Variants in OSBPL1A observed in about 807,000 individuals in gnomAD.
OSBPL1A encodes the protein oxysterol binding protein like 1A.
OSBPL1A carries 80 observed loss-of-function variants against 137.1 expected under a neutral mutation model. The observed-to-expected ratio is 0.58, with a 90% confidence interval of 0.49 to 0.70. The LOEUF is 0.70. Among genes scored for constraint, OSBPL1A ranks in the 30% least tolerant of loss-of-function variants. The probability of loss-of-function intolerance (pLI) is 0.00; values close to 1 mark genes in which losing one functional copy is unlikely to be tolerated. For missense variants in OSBPL1A, 970 were observed against 1,129.4 expected (o/e 0.86, Z 2.02); for synonymous variants, 365 against 389.7 (o/e 0.94, Z 0.75).
At chr18:24,316,902 T>C (rs996416114) in intron 11 of OSBPL1A, among the ~76,000 whole-genome samples, 6 of 152,234 alleles carry the variant, frequency 3.9e-5, no homozygotes, top group Non-Finnish European at 8.8e-5. Context: ...ACAAATATTT[T>C]TGGACAATCC....
chr18:24,201,761 A>T (rs1230768903), intron 17 of OSBPL1A, among the ~76,000 whole-genome samples: 1 of 143,286 alleles, frequency 7.0e-6, no homozygotes, highest in African/African-American at 2.5e-5. Flanking sequence ...AGAGTCCATT[A>T]AAAAAAAAAA....
At chr18:24,192,819 A>G (rs2086924300) in intron 18 of OSBPL1A, among the ~76,000 whole-genome samples, 1 of 151,850 alleles carries the variant, frequency 6.6e-6, no homozygotes, top group Non-Finnish European at 1.5e-5. Context: ...AAAGCCACAT[A>G]TTTTGAATAA....
chr18:24,300,607 G>A (rs965631172), intron 14 of OSBPL1A, among the ~76,000 whole-genome samples: 1 of 152,076 alleles, frequency 6.6e-6, no homozygotes, highest in South Asian at 2.1e-4. Flanking sequence ...GGATTTGAGG[G>A]GATATAGAAC....
At chr18:24,164,498 A>G (rs1267292819) in intron 27 of OSBPL1A, among the ~76,000 whole-genome samples, 2 of 125,938 alleles carry the variant, frequency 1.6e-5, no homozygotes, top group East Asian at 2.4e-4. Context: ...GCGCAATCTC[A>G]GCTCACTGCA....
chr18:24,271,202 G>T lies in OSBPL1A; in HGVS notation c.1281+9640C>A, dbSNP rs2089709230. Among the ~76,000 whole-genome samples the T allele has an allele frequency of 6.6e-6, 1 of 152,196 alleles. No homozygotes were observed. Among genetic ancestry groups the T allele is most frequent in the Non-Finnish European group, 1.5e-5 (1 of 68,046 alleles). ...TTCAGCGGCCTCTGAAGAGCGGATG[G>T]TAAGTTCATCTCAATGTCAGCCGGA... is the stretch of plus-strand genomic sequence containing the variant. On this transcript the variant is annotated intron_variant, in intron 15 of 27. Transcript: ENST00000319481. This position sits in a 1 kb window ranked among gnomAD's most constrained non-coding sequence, Gnocchi z 4.0.
chr18:24,326,173 A>T (rs943629221), intron 7 of OSBPL1A, among the ~76,000 whole-genome samples: 24 of 152,246 alleles, frequency 1.6e-4, no homozygotes, highest in African/African-American at 5.3e-4. Context: ...TTATATCCAC[A>T]TGAAGTACTT....
intron 15 of OSBPL1A, among the ~76,000 whole-genome samples, chr18:24,246,120 G>A (rs2088875791): frequency 6.6e-6 from 1 of 152,086 alleles, no homozygotes; most frequent in African/African-American, 2.4e-5. Flanking sequence ...ACTGAGGCAG[G>A]AGAATTGCTT....
chr18:24,394,147 T>C (rs983008860), intron 1 of OSBPL1A, among the ~76,000 whole-genome samples: 2 of 152,204 alleles, frequency 1.3e-5, no homozygotes, highest in East Asian at 1.9e-4. Flanking sequence ...TTATAAAGCA[T>C]TGAAATCATA....
chr18:24,265,423 T>C (rs1321461282), intron 15 of OSBPL1A, among the ~76,000 whole-genome samples: 1 of 152,152 alleles, frequency 6.6e-6, no homozygotes, highest in Non-Finnish European at 1.5e-5. Flanking sequence ...GCGGTTTCAG[T>C]GAGCAGAGAT....
chr18:24,227,300 T>C (rs1414864100), intron 16 of OSBPL1A, among the ~76,000 whole-genome samples: 1 of 152,032 alleles, frequency 6.6e-6, no homozygotes, highest in East Asian at 1.9e-4. Flanking sequence ...ACAACCTAAA[T>C]AGTCAATAAG....
intron 17 of OSBPL1A, among the ~76,000 whole-genome samples, chr18:24,199,190 C>T (rs768308891): frequency 3.9e-5 from 6 of 151,964 alleles, no homozygotes; most frequent in East Asian, 1.9e-4. Context: ...ATTGGAAGAC[C>T]GCCACGCAGG....
chr18:24,259,821 C>T (rs543471157), intron 15 of OSBPL1A, among the ~76,000 whole-genome samples: 4 of 151,614 alleles, frequency 2.6e-5, no homozygotes, highest in Admixed American at 6.6e-5. Context: ...AAAAATACAC[C>T]GAAAGTACAA....
intron 17 of OSBPL1A, among the ~76,000 whole-genome samples, chr18:24,221,804 C>A (rs2087902146): frequency 6.6e-6 from 1 of 152,156 alleles, no homozygotes; most frequent in African/African-American, 2.4e-5. Flanking sequence ...CATTATTACA[C>A]CCTTTTTTTC....
At chr18:24,217,020 A>G (rs1039620392) in intron 17 of OSBPL1A, among the ~76,000 whole-genome samples, 10 of 152,174 alleles carry the variant, frequency 6.6e-5, no homozygotes, top group African/African-American at 2.4e-4. Flanking sequence ...ATTGCCTACA[A>G]ATATCTATAA....
chr18:24,377,288 G>T, intron 2 of OSBPL1A, 125 bp downstream of exon 2: 2 of 1,176,458 alleles, frequency 1.7e-6, no homozygotes, highest in Non-Finnish European at 1.2e-6. Flanking sequence ...TCCAATCTGT[G>T]GGGTTCTTCC....
intron 4 of OSBPL1A, among the ~76,000 whole-genome samples, chr18:24,349,051 T>C (rs1026718959): frequency 1.3e-5 from 2 of 152,080 alleles, no homozygotes; most frequent in African/African-American, 4.8e-5. Context: ...CCTGTAGTCC[T>C]GGCTATTTGG....
intron 2 of OSBPL1A, among the ~76,000 whole-genome samples, chr18:24,371,392 T>C (rs1008638595): frequency 1.3e-5 from 2 of 152,112 alleles, no homozygotes; most frequent in African/African-American, 4.8e-5. Context: ...AAAACAGCTT[T>C]CATAGAATTC....
intron 2 of OSBPL1A, among the ~76,000 whole-genome samples, chr18:24,368,946 C>G (rs1323593922): frequency 1.3e-5 from 2 of 152,146 alleles, no homozygotes; most frequent in Non-Finnish European, 2.9e-5. Context: ...GGATTTCCCT[C>G]TTGCTATTCT....
At chr18:24,164,847 A>G (rs574585280) in intron 27 of OSBPL1A, among the ~76,000 whole-genome samples, 1 of 152,356 alleles carries the variant, frequency 6.6e-6, no homozygotes, top group South Asian at 2.1e-4. Flanking sequence ...ATGACAGCAC[A>G]ATTCACAATA....
Sources: allele counts gnomAD v4.1 joint callset (sites outside exome capture counted in the v4.1 genomes callset), GRCh38; gene constraint gnomAD v4.1.1; non-coding constraint Gnocchi (gnomAD v3.1); transcripts MANE v1.5; gene names NCBI Gene and HGNC (gene_info 2026-07-23, HGNC 2026-07-21).